Variants in NEDD4L observed in about 807,000 individuals in gnomAD.
The protein encoded by NEDD4L is E3 ubiquitin-protein ligase NEDD4-like.
Under a neutral mutation model 148.9 loss-of-function variants are expected in NEDD4L, and 54 were observed. That is an observed-to-expected ratio of 0.36 (90% confidence interval 0.29 to 0.45). The LOEUF (loss-of-function observed/expected upper bound fraction) is 0.45. NEDD4L is among the 20% of genes least tolerant of loss of function. NEDD4L has a pLI of 1.00. For synonymous variants in NEDD4L, 433 were observed against 440.7 expected (o/e 0.98, Z 0.22); for missense variants, 856 against 1,233.8 (o/e 0.69, Z 4.59).
chr18:58,328,116 C>G (rs2059464880), intron 9 of NEDD4L, among the ~76,000 whole-genome samples: 1 of 152,098 alleles, frequency 6.6e-6, no homozygotes, highest in Non-Finnish European at 1.5e-5. Context: ...AGGCACGCAT[C>G]ACCACACTCG....
chr18:58,065,779 A>G lies in NEDD4L; in HGVS notation c.48+21071A>G, dbSNP rs1004100008. Among the ~76,000 whole-genome samples, 31 of 152,196 alleles carry G rather than the reference A, an allele frequency of 2.0e-4. 1 individual carries two copies. The highest frequency in any genetic ancestry group is 4.1e-4 in the South Asian group (2 of 4,828). ...AAGTTGAACACTTATCTTAGTCACT[A>G]TGGTTGGCTTTGAACCTTTTCTAGA... On this transcript the variant is annotated intron_variant, in intron 1 of 30. Coordinates refer to ENST00000400345, the MANE Select transcript of NEDD4L (RefSeq NM_001144967.3).
intron 1 of NEDD4L, among the ~76,000 whole-genome samples, chr18:58,060,117 C>T (rs2082260744): frequency 9.8e-6 from 1 of 101,850 alleles, no homozygotes; most frequent in African/African-American, 4.0e-5. Context: ...TCCGGGAGTG[C>T]TTCAAGCAGG....
chr18:58,056,894 C>CTTTTTTTTTTTTTTTT (rs74183230), intron 1 of NEDD4L, among the ~76,000 whole-genome samples: 145 of 121,480 alleles, frequency 1.2e-3, no homozygotes, highest in East Asian at 3.7e-3. Flanking sequence ...GCTATGCCCT[C>CTTTTTTTTTTTTTTTT]TTTTTTTTTT....
chr18:58,335,060 CT>C (rs1366524658), intron 12 of NEDD4L, among the ~76,000 whole-genome samples: 1 of 152,194 alleles, frequency 6.6e-6, no homozygotes, highest in Non-Finnish European at 1.5e-5. Context: ...AAAGAACTCA[CT>C]TTCCTGGAAA....
intron 5 of NEDD4L, among the ~76,000 whole-genome samples, chr18:58,284,907 T>C (rs9959337): frequency 0.44 from 66,443 of 151,964 alleles, 15,075 homozygotes; most frequent in African/African-American, 0.56. Context: ...GTGGTGCACA[T>C]GGGCCAGCTC....
At chr18:58,298,071 G>A (rs561177256) in intron 5 of NEDD4L, among the ~76,000 whole-genome samples, 41 of 152,184 alleles carry the variant, frequency 2.7e-4, no homozygotes, top group African/African-American at 4.1e-4. Context: ...TATGATTACC[G>A]TCATCTAAAT....
chr18:58,086,806 G>A (rs1346730585), intron 1 of NEDD4L, among the ~76,000 whole-genome samples: 1 of 152,184 alleles, frequency 6.6e-6, no homozygotes, highest in Non-Finnish European at 1.5e-5. Context: ...TCCAAATTTA[G>A]CATATGAAAA....
chr18:58,344,695 G>T (rs776004855), intron 16 of NEDD4L, among the ~76,000 whole-genome samples: 1 of 150,674 alleles, frequency 6.6e-6, no homozygotes, highest in Non-Finnish European at 1.5e-5. Flanking sequence ...CGGGCAGCTC[G>T]TTGGAAAATA....
At chr18:58,290,952 G>A (rs981613992) in intron 5 of NEDD4L, among the ~76,000 whole-genome samples, 2 of 152,218 alleles carry the variant, frequency 1.3e-5, no homozygotes, top group East Asian at 1.9e-4. Context: ...CACACTACCC[G>A]TCAACATAGG....
chr18:58,095,448 C>T (rs1003103231), intron 1 of NEDD4L, among the ~76,000 whole-genome samples: 4 of 152,166 alleles, frequency 2.6e-5, no homozygotes, highest in Non-Finnish European at 4.4e-5. Flanking sequence ...TTGCTCCCAC[C>T]GCGTGGGGAG....
At chr18:58,275,412 T>G (rs1055370793) in intron 5 of NEDD4L, among the ~76,000 whole-genome samples, 1 of 152,168 alleles carries the variant, frequency 6.6e-6, no homozygotes, top group Non-Finnish European at 1.5e-5. Context: ...AAGGGTCAAC[T>G]GTACTTGAAT....
intron 1 of NEDD4L, among the ~76,000 whole-genome samples, chr18:58,163,074 A>T (rs912510388): frequency 8.4e-5 from 3 of 35,906 alleles, no homozygotes; most frequent in African/African-American, 3.3e-4. Context: ...AAAAAAAAGA[A>T]AAAAAAAAAA....
chr18:58,340,534 T>C (rs559681122), intron 13 of NEDD4L, among the ~76,000 whole-genome samples: 1 of 152,314 alleles, frequency 6.6e-6, no homozygotes, highest in South Asian at 2.1e-4. Flanking sequence ...GTTGGGATTT[T>C]AAAATTTTGC....
intron 4 of NEDD4L, among the ~76,000 whole-genome samples, chr18:58,251,506 C>T (rs943962050): frequency 6.6e-6 from 1 of 151,906 alleles, no homozygotes; most frequent in Non-Finnish European, 1.5e-5. Context: ...AGAACAAGAC[C>T]GTCTGTCTCT....
At chr18:58,096,342 A>ATTTT in intron 1 of NEDD4L, among the ~76,000 whole-genome samples, 1 of 141,900 alleles carries the variant, frequency 7.0e-6, no homozygotes, top group East Asian at 2.0e-4. Flanking sequence ...TGATTATTTT[A>ATTTT]TTTTATTTAT....
chr18:58,316,880 G>T (rs1223225376), intron 6 of NEDD4L, among the ~76,000 whole-genome samples: 2 of 140,898 alleles, frequency 1.4e-5, no homozygotes, highest in Non-Finnish European at 3.1e-5. Flanking sequence ...CCTTACAAGG[G>T]CATTGTGTTA....
At chr18:58,051,230 C>T (rs2081854838) in intron 1 of NEDD4L, among the ~76,000 whole-genome samples, 1 of 152,058 alleles carries the variant, frequency 6.6e-6, no homozygotes, top group Non-Finnish European at 1.5e-5. Flanking sequence ...TGCACTCCAG[C>T]CTGGGTGACA....
chr18:58,349,570 C>A lies in NEDD4L; in HGVS notation c.1609C>A (p.Arg537=), dbSNP rs749605758. 11 of 1,613,826 alleles carry A rather than the reference C, an allele frequency of 6.8e-6. No homozygotes were observed. Among genetic ancestry groups the A allele is most frequent in the Admixed American group, 1.7e-5 (1 of 60,010 alleles). Residue 537 remains arginine (R), a synonymous_variant, in exon 17 of 31, where the codon CGG becomes AGG. Coordinates refer to ENST00000400345, the MANE Select transcript of NEDD4L (RefSeq NM_001144967.3). ...ACGTTTGAAATTTCCAGTACATATG[C>A]GGTCAAAGACATCTTTAAACCCCAA... ...DPRLKFPVHM[R]SKTSLNPNDL... is the part of the protein sequence containing the mutation.
intron 1 of NEDD4L, among the ~76,000 whole-genome samples, chr18:58,098,504 G>A (rs1352339784): frequency 6.6e-6 from 1 of 152,178 alleles, no homozygotes; most frequent in East Asian, 1.9e-4. Context: ...GAGGCCGACT[G>A]CCTGGGTTTG....
Sources: allele counts gnomAD v4.1 joint callset (sites outside exome capture counted in the v4.1 genomes callset), GRCh38; gene constraint gnomAD v4.1.1; transcripts MANE v1.5; gene names NCBI Gene and HGNC (gene_info 2026-07-23, HGNC 2026-07-21).